The following CNTN4 variants were observed in gnomAD, a reference collection of about 807,000 sequenced individuals.
CNTN4 encodes the protein contactin 4.
In CNTN4, 77 loss-of-function variants were observed where a neutral mutation model predicts 122.5. That is an observed-to-expected ratio of 0.63 (90% CI 0.52 to 0.76). CNTN4 has a LOEUF of 0.76. Ranked by LOEUF, CNTN4 falls within the 30% of genes least tolerant of loss-of-function variation. CNTN4 has a pLI of 0.00. For missense variants in CNTN4, 1,256 were observed against 1,259.1 expected, an observed-to-expected ratio of 1.00 and a Z score of 0.04; for synonymous variants, 512 against 447.0, an observed-to-expected ratio of 1.15 and a Z score of -1.83.
chr3:2,120,378 T>TATATATATATATATATATATATAA (rs2033658884), intron 2 of CNTN4, among the ~76,000 whole-genome samples: 2 of 29,892 alleles, frequency 6.7e-5, no homozygotes, highest in Admixed American at 5.1e-4. Context: ...TATATAAATA[T>TATATATATATATATATATATATAA]ATATATATAT....
intron 2 of CNTN4, among the ~76,000 whole-genome samples, chr3:2,297,655 G>A (rs1160150038): frequency 6.6e-6 from 1 of 152,020 alleles, no homozygotes; most frequent in Admixed American, 6.6e-5. Context: ...TGAGCTTCAT[G>A]CGACCAGAGG....
At chr3:2,212,472 A>C (rs1475177740) in intron 2 of CNTN4, among the ~76,000 whole-genome samples, 1 of 152,176 alleles carries the variant, frequency 6.6e-6, no homozygotes, top group Non-Finnish European at 1.5e-5. Context: ...CATGTCTTAC[A>C]TGACACCGGG....
intron 13 of CNTN4, among the ~76,000 whole-genome samples, chr3:2,968,547 A>G (rs1332946204): frequency 6.6e-6 from 1 of 152,228 alleles, no homozygotes; most frequent in African/African-American, 2.4e-5. Context: ...ATGAATCCTG[A>G]ACTCTGAATA....
chr3:2,343,482 A>G (rs2044283729), intron 3 of CNTN4, among the ~76,000 whole-genome samples: 2 of 152,164 alleles, frequency 1.3e-5, no homozygotes, highest in Admixed American at 1.3e-4. Context: ...CTCTGCAACC[A>G]GTGAGACTGG....
At chr3:2,806,344 T>C (rs947412767) in intron 6 of CNTN4, among the ~76,000 whole-genome samples, 1 of 152,216 alleles carries the variant, frequency 6.6e-6, no homozygotes, top group African/African-American at 2.4e-5. Context: ...TCAGGGACCA[T>C]GTTGGATTCA....
intron 4 of CNTN4, among the ~76,000 whole-genome samples, chr3:2,675,497 C>G (rs1347544543): frequency 6.6e-6 from 1 of 152,198 alleles, no homozygotes; most frequent in African/African-American, 2.4e-5. Context: ...GCGCTTATCA[C>G]TATCTACAAT....
At chr3:2,333,846 A>C (rs116268465) in intron 2 of CNTN4, among the ~76,000 whole-genome samples, 412 of 152,254 alleles carry the variant, frequency 2.7e-3, no homozygotes, top group Middle Eastern at 0.01. Context: ...AACATGGATA[A>C]TTTAGTATCT....
At chr3:2,758,588 C>T (rs78606097) in intron 6 of CNTN4, among the ~76,000 whole-genome samples, 1 of 147,102 alleles carries the variant, frequency 6.8e-6, no homozygotes, top group East Asian at 2.1e-4. Flanking sequence ...TCTCGGCTCA[C>T]CTCTGCCTCC....
chr3:2,808,076 T>G (rs2150117420), intron 6 of CNTN4, among the ~76,000 whole-genome samples: 1 of 152,266 alleles, frequency 6.6e-6, no homozygotes, highest in East Asian at 1.9e-4. Context: ...TTTATATTCC[T>G]GAAAGGCTAA....
At chr3:2,269,328 A>C (rs1484037431) in intron 2 of CNTN4, among the ~76,000 whole-genome samples, 2 of 152,094 alleles carry the variant, frequency 1.3e-5, no homozygotes, top group Admixed American at 6.6e-5. Context: ...TATATTCTTG[A>C]AATAACATAT....
intron 3 of CNTN4, among the ~76,000 whole-genome samples, chr3:2,521,343 T>TCCCCCCCCCCCCCCC (rs5846190): frequency 2.1e-4 from 27 of 128,306 alleles, no homozygotes; most frequent in African/African-American, 7.8e-4. Flanking sequence ...CCTCTACCCA[T>TCCCCCCCCCCCCCCC]CCCCCCCACC....
At chr3:2,350,032 A>C (rs972390347) in intron 3 of CNTN4, among the ~76,000 whole-genome samples, 17 of 152,170 alleles carry the variant, frequency 1.1e-4, no homozygotes, top group Admixed American at 1.3e-4. Context: ...TTTTGAAGTG[A>C]GACAGGCGCT....
intron 3 of CNTN4, among the ~76,000 whole-genome samples, chr3:2,443,180 G>A (rs879945667): frequency 1.1e-4 from 17 of 151,242 alleles, no homozygotes; most frequent in Non-Finnish European, 1.6e-4. Context: ...AAGTAACTTA[G>A]AATTCAGAGG....
At chr3:2,969,569 A>C (rs2125084825) in intron 13 of CNTN4, among the ~76,000 whole-genome samples, 1 of 151,234 alleles carries the variant, frequency 6.6e-6, no homozygotes, top group East Asian at 2.0e-4. Flanking sequence ...GATGCTGTGC[A>C]GGCAATACAG....
At chr3:2,583,141 G>A (rs2149582904) in intron 4 of CNTN4, among the ~76,000 whole-genome samples, 1 of 152,320 alleles carries the variant, frequency 6.6e-6, no homozygotes, top group African/African-American at 2.4e-5. Context: ...GGAAACAAAT[G>A]TCAAAACAAA....
chr3:2,385,316 C>A lies in CNTN4; in HGVS notation c.-89+46083C>A, dbSNP rs976293269. ...CTTAAAACTCTCCCAACAAACAATACCTGTTTATAGTTTTGTTTATATTAC... is the reference window on the plus strand; with the variant it reads ...CTTAAAACTCTCCCAACAAACAATAACTGTTTATAGTTTTGTTTATATTAC... On this transcript the variant is annotated intron_variant, in intron 3 of 24. Coordinates refer to ENST00000418658, the MANE Select transcript of CNTN4 (RefSeq NM_175607.3). This position sits in a 1 kb window ranked among gnomAD's most constrained non-coding sequence, Gnocchi z 4.0. 1.3e-5 allele frequency among the ~76,000 whole-genome samples: 2 copies of A among 151,272 alleles called. No individual in the cohort carries two copies.
chr3:2,954,207 C>G (rs1034568135), intron 13 of CNTN4, among the ~76,000 whole-genome samples: 1 of 152,126 alleles, frequency 6.6e-6, no homozygotes, highest in Non-Finnish European at 1.5e-5. Flanking sequence ...CATCCTCTGA[C>G]GCCTCTGCTT....
chr3:3,007,936 C>T, intron 14 of CNTN4, among the ~76,000 whole-genome samples: 1 of 152,204 alleles, frequency 6.6e-6, no homozygotes, highest in East Asian at 1.9e-4. Context: ...ACAATAAAGT[C>T]ATACCCTGTT....
intron 4 of CNTN4, among the ~76,000 whole-genome samples, chr3:2,659,079 T>C (rs538787971): frequency 6.6e-6 from 1 of 151,732 alleles, no homozygotes; most frequent in South Asian, 2.1e-4. Flanking sequence ...TCAGAAAGAA[T>C]GCTCTGTTCA....
Sources: allele counts gnomAD v4.1 joint callset (sites outside exome capture counted in the v4.1 genomes callset), GRCh38; gene constraint gnomAD v4.1.1; non-coding constraint Gnocchi (gnomAD v3.1); transcripts MANE v1.5; gene names NCBI Gene and HGNC (gene_info 2026-07-23, HGNC 2026-07-21).